The following STARD13 variants were observed in gnomAD, a reference collection of about 807,000 sequenced individuals.
STARD13 encodes the protein stAR-related lipid transfer protein 13.
A neutral mutation model predicts 106.4 loss-of-function variants in STARD13; 62 were observed. That is an observed-to-expected ratio of 0.58 (90% CI 0.48 to 0.72). STARD13 has a LOEUF of 0.72. Among genes scored for constraint, STARD13 ranks in the 30% least tolerant of loss-of-function variants. The pLI is 0.00. For synonymous variants in STARD13, 565 were observed against 553.0 expected (o/e 1.02, Z -0.31); for missense variants, 1,387 against 1,424.0 (o/e 0.97, Z 0.42).
chr13:33,495,372 A>G, the STARD13 span, among the ~76,000 whole-genome samples: 336 of 152,298 alleles, frequency 2.2e-3, no homozygotes, highest in African/African-American at 7.8e-3. Flanking sequence ...TGTTAAGAAA[A>G]TGCTAACTTA....
At chr13:33,673,888 A>G in the STARD13 span, among the ~76,000 whole-genome samples, 1 of 146,520 alleles carries the variant, frequency 6.8e-6, no homozygotes, top group East Asian at 2.0e-4. Context: ...TCTGAGGAAG[A>G]GTCGCTCTGT....
chr13:33,593,197 A>G, the STARD13 span, among the ~76,000 whole-genome samples: 3 of 151,612 alleles, frequency 2.0e-5, no homozygotes, highest in African/African-American at 7.3e-5. Flanking sequence ...TTATTTTTTT[A>G]TTTTTGATAC....
upstream of STARD13, among the ~76,000 whole-genome samples, chr13:33,351,494 G>A (rs7988465): frequency 0.14 from 21,842 of 152,078 alleles, 1,691 homozygotes; most frequent in Middle Eastern, 0.2. Flanking sequence ...CATTCATAAG[G>A]AGAAGACAAT....
intron 1 of STARD13, among the ~76,000 whole-genome samples, chr13:33,308,017 AT>A (rs1490827576): frequency 6.6e-6 from 1 of 152,078 alleles, no homozygotes; most frequent in Admixed American, 6.5e-5. Context: ...CCATCATTGG[AT>A]TTCTTGGCCT....
the STARD13 span, among the ~76,000 whole-genome samples, chr13:33,566,262 C>T: frequency 6.7e-6 from 1 of 148,388 alleles, no homozygotes; most frequent in African/African-American, 2.5e-5. Context: ...TTATCTCTTA[C>T]TCTGCCTAAT....
At chr13:33,165,575 C>CT (rs1883223575) in intron 2 of STARD13, among the ~76,000 whole-genome samples, 157 bp from the exon 3 acceptor site, 1 of 152,200 alleles carries the variant, frequency 6.6e-6, no homozygotes, top group Non-Finnish European at 1.5e-5. Context: ...AAATTGCTAT[C>CT]ACTGTAAATG....
the STARD13 span, among the ~76,000 whole-genome samples, chr13:33,559,765 G>C: frequency 6.6e-6 from 1 of 151,500 alleles, no homozygotes. Context: ...GTGGAGGCAA[G>C]AGAATCTGTT....
At chr13:33,171,973 A>G (rs1884014476) in intron 1 of STARD13, among the ~76,000 whole-genome samples, 1 of 152,232 alleles carries the variant, frequency 6.6e-6, no homozygotes, top group South Asian at 2.1e-4. Flanking sequence ...GAACAAAGGC[A>G]CCGTGGAAAC....
chr13:33,226,869 CATCT>C (rs1214303294), intron 1 of STARD13, among the ~76,000 whole-genome samples: 9 of 152,208 alleles, frequency 5.9e-5, no homozygotes, highest in Admixed American at 2.0e-4. Flanking sequence ...TACTATAAAA[CATCT>C]ATCTTTCTCT....
chr13:33,541,822 T>G, the STARD13 span, among the ~76,000 whole-genome samples: 3 of 152,248 alleles, frequency 2.0e-5, no homozygotes, highest in Admixed American at 2.0e-4. Flanking sequence ...GGATGCAGAT[T>G]CATACAGATT....
the STARD13 span, among the ~76,000 whole-genome samples, chr13:33,438,024 G>T: frequency 6.6e-6 from 1 of 152,120 alleles, no homozygotes; most frequent in Admixed American, 6.5e-5. Flanking sequence ...GAGCCTCCAT[G>T]GCTGAACTTC....
intron 3 of STARD13, among the ~76,000 whole-genome samples, chr13:33,147,019 C>G (rs1453482978): frequency 6.6e-6 from 1 of 152,200 alleles, no homozygotes; most frequent in East Asian, 1.9e-4. Flanking sequence ...TGGGAATTCC[C>G]TGAAAACCCC....
Position 33,250,364 on chromosome 13 carries a change from C to T in STARD13, c.169+35106G>A, listed in dbSNP as rs1321839251. ...GAATAAGAATTAAGTGTGTGTCTCT[C>T]ACCTTCTACCAAGGGAAATATATAA... On this transcript the variant is annotated intron_variant, in intron 1 of 13. Coordinates refer to ENST00000336934, the MANE Select transcript of STARD13 (RefSeq NM_178006.4). Among the ~76,000 whole-genome samples, 7 of 152,312 alleles carry T rather than the reference C, an allele frequency of 4.6e-5. No homozygotes were observed. The East Asian group carries it at 1.2e-3, about 25-fold the overall frequency.
At chr13:33,134,316 G>A (rs144725867) in intron 4 of STARD13, among the ~76,000 whole-genome samples, 1 of 152,188 alleles carries the variant, frequency 6.6e-6, no homozygotes, top group Non-Finnish European at 1.5e-5. Flanking sequence ...AATGTTTTAA[G>A]AAAGTTTATG....
At chr13:33,213,984 T>C (rs1054396069) in intron 1 of STARD13, among the ~76,000 whole-genome samples, 1 of 152,230 alleles carries the variant, frequency 6.6e-6, no homozygotes, top group African/African-American at 2.4e-5. Flanking sequence ...GATCACTTTC[T>C]AAGCTGGATT....
chr13:33,192,273 C>T (rs1251623289), intron 1 of STARD13, among the ~76,000 whole-genome samples: 4 of 152,196 alleles, frequency 2.6e-5, no homozygotes, highest in South Asian at 2.1e-4. Context: ...AACAGTACAT[C>T]GACAACTTTC....
chr13:33,364,450 A>G, the STARD13 span, among the ~76,000 whole-genome samples: 1 of 152,246 alleles, frequency 6.6e-6, no homozygotes, highest in Non-Finnish European at 1.5e-5. Context: ...TTAATATTTA[A>G]GAGTTTATCA....
the STARD13 span, among the ~76,000 whole-genome samples, chr13:33,568,946 A>G: frequency 2.7e-5 from 4 of 148,066 alleles, no homozygotes; most frequent in East Asian, 8.1e-4. Flanking sequence ...ACTTTTTTAA[A>G]CTACCAATAA....
chr13:33,315,450 A>G (rs1893293287), intron 1 of STARD13, among the ~76,000 whole-genome samples: 1 of 152,206 alleles, frequency 6.6e-6, no homozygotes, highest in South Asian at 2.1e-4. Flanking sequence ...GTGCATATAT[A>G]GAAACTTTCT....
Sources: gnomAD v4.1 joint callset for allele counts (sites outside exome capture counted in the v4.1 genomes callset) on GRCh38, gnomAD v4.1.1 for gene constraint, MANE v1.5 for transcripts, NCBI Gene and HGNC (gene_info 2026-07-23, HGNC 2026-07-21) for gene names.